Variants in CCDC63 observed in about 807,000 individuals in gnomAD.
CCDC63 encodes coiled-coil domain containing 63.
CCDC63 carries 54 observed loss-of-function variants against 63.6 expected under a neutral mutation model. That is an observed-to-expected ratio of 0.85 (90% CI 0.68 to 1.07). The LOEUF (loss-of-function observed/expected upper bound fraction) is 1.07, where lower values mean the gene tolerates loss of function less well. Ranked by LOEUF, CCDC63 falls within the 50% of genes least tolerant of loss-of-function variation. The pLI is 0.00. For synonymous variants in CCDC63, 253 were observed against 266.1 expected, an observed-to-expected ratio of 0.95 and a Z score of 0.48; for missense variants, 637 against 689.6, an observed-to-expected ratio of 0.92 and a Z score of 0.86.
At chr12:110,882,965 C>T (rs377614484) in intron 7 of CCDC63, among the ~76,000 whole-genome samples, 19 of 151,988 alleles carry the variant, frequency 1.3e-4, no homozygotes, top group African/African-American at 3.9e-4. Context: ...TAGGCCCAAG[C>T]CATCCTCCCA....
rs1157024570 is a variant in CCDC63 at position 110,879,962 on chromosome 12, T to G, written c.546T>G (p.Ile182Met). Residue 182 changes from isoleucine (I) to methionine (M), a missense_variant, in exon 6 of 12, where the codon ATT becomes ATG. Physicochemically the swap from Ile to Met is conservative, Grantham distance 10. Coordinates refer to ENST00000308208, the MANE Select transcript of CCDC63 (RefSeq NM_152591.3). ...LTTNAKLRKE[I>M]EDLRFEKAAY... The stretch of plus-strand genomic sequence containing the variant: ...CTAATGCCAAGCTCCGGAAGGAGAT[T>G]GAAGACCTACGATTTGAGAAGGCTG... 1.9e-6 allele frequency: 3 copies of G among 1,614,192 alleles called. No homozygotes were observed. In the East Asian group the frequency reaches 6.7e-5, roughly 36 times the overall value.
chr12:110,849,972 G>T (rs1388666428), intron 1 of CCDC63, among the ~76,000 whole-genome samples: 1 of 152,232 alleles, frequency 6.6e-6, no homozygotes, highest in South Asian at 2.1e-4. Flanking sequence ...ACATTGAAGG[G>T]GTACAAAATC....
In CCDC63 at chr12:110,881,913, C is replaced by T. The variant is rs569753467; in HGVS notation, c.853+617C>T. 5.9e-5 allele frequency among the ~76,000 whole-genome samples: 9 copies of T among 152,164 alleles called. 1 individual carries two copies. The highest frequency in any genetic ancestry group is 2.1e-4 in the South Asian group (1 of 4,812). On this transcript the variant is annotated intron_variant, in intron 7 of 11. Coordinates refer to ENST00000308208, the MANE Select transcript of CCDC63 (RefSeq NM_152591.3). ...ACTGAGAACCCTCTATTTTATCTGC[C>T]AACCCTAATTTACAGCATGTGTCTT...
chr12:110,892,857 T>C (rs2071373934), intron 8 of CCDC63, among the ~76,000 whole-genome samples: 1 of 150,424 alleles, frequency 6.6e-6, no homozygotes, highest in Non-Finnish European at 1.5e-5. Context: ...GACTCACCCC[T>C]CCCACCCCCT....
intron 10 of CCDC63, among the ~76,000 whole-genome samples, chr12:110,901,071 G>A (rs1361283417): frequency 6.6e-6 from 1 of 152,186 alleles, no homozygotes; most frequent in Non-Finnish European, 1.5e-5. Flanking sequence ...AAAGCAATGT[G>A]TTAGTGTGAA....
chr12:110,906,004 TATATA>T (rs2071569726), intron 11 of CCDC63, among the ~76,000 whole-genome samples: 2 of 54,834 alleles, frequency 3.6e-5, no homozygotes, highest in South Asian at 4.5e-4. Context: ...TAATATATAT[TATATA>T]ATATAATATA....
intron 4 of CCDC63, among the ~76,000 whole-genome samples, chr12:110,867,537 C>A (rs1476616955): frequency 2.3e-5 from 3 of 131,930 alleles, no homozygotes; most frequent in African/African-American, 8.9e-5. Flanking sequence ...CTGACCCCCC[C>A]ACCTCCCTCC....
chr12:110,868,393 T>G (rs866876968), intron 4 of CCDC63, among the ~76,000 whole-genome samples: 3,390 of 145,334 alleles, frequency 0.023, 93 homozygotes, highest in African/African-American at 0.066. Context: ...CTGGGAGGTG[T>G]AGGTTGTAGC....
At chr12:110,906,306 T>G (rs2071580180) in intron 11 of CCDC63, among the ~76,000 whole-genome samples, 2 of 122,680 alleles carry the variant, frequency 1.6e-5, no homozygotes, top group African/African-American at 3.3e-5. Flanking sequence ...GGAGGAAGGC[T>G]CAGAGGCAGG....
intron 8 of CCDC63, among the ~76,000 whole-genome samples, chr12:110,891,584 G>A (rs184663977): frequency 1.7e-3 from 244 of 141,642 alleles, no homozygotes; most frequent in Middle Eastern, 0.011. Flanking sequence ...TCAGTGAGCC[G>A]TGATTATGCC....
At chr12:110,852,824 C>T in intron 1 of CCDC63, 35 bp from the exon 2 acceptor site, 1 of 1,454,138 alleles carries the variant, frequency 6.9e-7, no homozygotes, top group Non-Finnish European at 9.6e-7. Context: ...GCAGGGGTGG[C>T]TTACAAGTTC....
At chr12:110,867,131 C>G (rs1315083009) in intron 4 of CCDC63, among the ~76,000 whole-genome samples, 4 of 140,428 alleles carry the variant, frequency 2.8e-5, no homozygotes, top group Non-Finnish European at 6.3e-5. Flanking sequence ...GGGGCTGACC[C>G]CCCCCACCTC....
At chr12:110,858,963 C>T (rs2070815727) in intron 4 of CCDC63, among the ~76,000 whole-genome samples, 188 bp downstream of exon 4, 1 of 152,174 alleles carries the variant, frequency 6.6e-6, no homozygotes, top group South Asian at 2.1e-4. Context: ...AGTATCCAGG[C>T]TCAGCCATAC....
chr12:110,907,195 T>A lies in CCDC63; in HGVS notation c.1547-136T>A, dbSNP rs1447642972. The A allele has an allele frequency of 1.3e-6, 1 of 768,538 alleles. No individual in the cohort carries two copies. Among genetic ancestry groups the A allele is most frequent in the African/African-American group, 1.8e-5 (1 of 57,038 alleles). The allele number at this position is 768,538 out of a possible 1,614,324, so 47.6% of individuals were successfully genotyped here. A position where few individuals can be genotyped will look rare whatever the true frequency, so the allele number is the denominator to read the frequency against. ...GGCAGCCCCAAGAAGTATATTTCTG[T>A]TCATTCTCCCCCTCCTTGAAACCTG... On this transcript the variant is annotated intron_variant, in intron 11 of 11. Coordinates refer to ENST00000308208, the MANE Select transcript of CCDC63 (RefSeq NM_152591.3). This position sits in a 1 kb window ranked among gnomAD's most constrained non-coding sequence, Gnocchi z 4.4.
rs143374975 is a variant in CCDC63, at chr12:110,852,651, A to G, written c.-96-208A>G. Among the ~76,000 whole-genome samples the G allele has an allele frequency of 3.0e-3, 454 of 152,250 alleles. 1 individual carries two copies. The highest frequency in any genetic ancestry group is 0.011 in the African/African-American group (444 of 41,546). The stretch of plus-strand genomic sequence containing the variant: ...CCATCTGCCCAGCTCCTAATAATAA[A>G]TGGTGAGAGAACCAGGTTCCAGGCA... On this transcript the variant is annotated intron_variant, in intron 1 of 11. Transcript: ENST00000308208.
intron 7 of CCDC63, among the ~76,000 whole-genome samples, chr12:110,881,978 T>C (rs181685118): frequency 6.6e-6 from 1 of 152,298 alleles, no homozygotes; most frequent in African/African-American, 2.4e-5. Flanking sequence ...AGGAGACTTA[T>C]TGTCAGGGGT....
At chr12:110,894,225 T>G (rs1450135136) in intron 9 of CCDC63, among the ~76,000 whole-genome samples, 1 of 152,138 alleles carries the variant, frequency 6.6e-6, no homozygotes, top group Non-Finnish European at 1.5e-5. Flanking sequence ...ACAAAAATCC[T>G]CACTAGCAGA....
At position 110,847,121 on chromosome 12, in the gene CCDC63, C is replaced by T. The variant is rs1450454325; in HGVS notation, c.-97+16C>T. On this transcript the variant is annotated intron_variant, in intron 1 of 11. Coordinates refer to ENST00000308208, the MANE Select transcript of CCDC63 (RefSeq NM_152591.3). ...CCCGCCACTGGTAAGTTTCGCCGCC[C>T]GCCCGGCCGCGCCTGCTGCGCCACA... 2 of 152,284 alleles carry T rather than the reference C, an allele frequency of 1.3e-5. No homozygotes were observed. The highest frequency in any genetic ancestry group is 4.8e-5 in the African/African-American group (2 of 41,466). 9.4% of individuals were successfully genotyped at this position (152,284 alleles called of 1,614,324 possible).
chr12:110,852,570 C>A (rs1322950899), intron 1 of CCDC63, among the ~76,000 whole-genome samples: 1 of 152,094 alleles, frequency 6.6e-6, no homozygotes, highest in South Asian at 2.1e-4. Context: ...CCCCTGATGC[C>A]ATTTTGCCCC....
Sources: gnomAD v4.1 joint callset for allele counts (sites outside exome capture counted in the v4.1 genomes callset) on GRCh38, gnomAD v4.1.1 for gene constraint, Gnocchi (gnomAD v3.1) non-coding constraint, MANE v1.5 for transcripts, NCBI Gene and HGNC (gene_info 2026-07-23, HGNC 2026-07-21) for gene names.